The following NR1I3 variants were observed in gnomAD, a reference collection of about 807,000 sequenced individuals.
NR1I3 encodes nuclear receptor subfamily 1 group I member 3, also known as constitutive activator of retinoid response.
In NR1I3, 30 loss-of-function variants were observed where a neutral mutation model predicts 38.4. That is an observed-to-expected ratio of 0.78 (90% confidence interval 0.58 to 1.06). The LOEUF is 1.06. Among genes scored for constraint, NR1I3 ranks in the 50% least tolerant of loss-of-function variants. The pLI is 0.00. For missense variants in NR1I3, 388 were observed against 435.7 expected, an observed-to-expected ratio of 0.89 and a Z score of 0.97; for synonymous variants, 143 against 165.1, an observed-to-expected ratio of 0.87 and a Z score of 1.03.
rs769779489 is a variant in NR1I3 at position 161,229,777 on chromosome 1, G to A, written c.*20C>T. On this transcript the variant is annotated 3_prime_UTR_variant, in exon 9 of 9. Transcript: ENST00000367983. The stretch of plus-strand genomic sequence containing the variant: ...ATCCAGGGTGTTCCAGGTGAGCTGG[G>A]GAAGGAAGTGAGCATGGCCTCAGCT... The A allele has an allele frequency of 1.2e-6, 2 of 1,614,216 alleles. No individual in the cohort carries two copies. The highest frequency in any genetic ancestry group is 1.1e-5 in the South Asian group (1 of 91,090).
chr1:161,232,897 G>C lies in NR1I3; in HGVS notation c.458C>G (p.Pro153Arg). 6.2e-7 allele frequency: 1 copy of C among 1,614,252 alleles called. No homozygotes were observed. ...IHHQPLPTLAPVLPLVTHFAD... is the reference protein window; with the variant it reads ...IHHQPLPTLARVLPLVTHFAD... ...GAAGTGTGTGACCAGAGGCAGCACA[G>C]GGGCCAGGGTGGGCAAGGGCTGGTG... Residue 153 changes from proline (P) to arginine (R), a missense_variant, in exon 5 of 9, where the codon CCT becomes CGT. Physicochemically the swap from Pro to Arg is moderately radical, Grantham distance 103 (BLOSUM62 -2). Coordinates refer to ENST00000367983, the MANE Select transcript of NR1I3 (RefSeq NM_005122.5).
chr1:161,231,562 G>A (rs11265568), intron 5 of NR1I3, 88 bp from the exon 6 acceptor site: 467,515 of 1,352,268 alleles, frequency 0.35, 83,049 homozygotes, highest in East Asian at 0.52. Flanking sequence ...GTGCAGTGGC[G>A]TGATCTCTGC....
chr1:161,236,520 C>T lies in NR1I3; in HGVS notation c.46G>A (p.Asp16Asn). ...TTAAAGTGGTAGCCTGTGGCTTGGT[C>T]CCCACATACCACACAGTTCCTCAGC... ...DELRNCVVCGDQATGYHFNAL... is the reference protein window; with the variant it reads ...DELRNCVVCGNQATGYHFNAL... The change falls in exon 2 of 9, where the codon GAC (aspartate) becomes AAC (asparagine). Residue 16 changes from aspartate to asparagine, a missense_variant. Asp to Asn is a conservative substitution (Grantham distance 23). Coordinates refer to ENST00000367983, the MANE Select transcript of NR1I3 (RefSeq NM_005122.5). 1.2e-6 allele frequency: 2 copies of T among 1,614,136 alleles called. No homozygotes were observed. Among genetic ancestry groups the T allele is most frequent in the Non-Finnish European group, 8.5e-7 (1 of 1,180,040 alleles).
intron 2 of NR1I3, 90 bp downstream of exon 2, chr1:161,236,369 G>A: frequency 1.3e-6 from 2 of 1,491,792 alleles, no homozygotes; most frequent in South Asian, 1.2e-5. Context: ...TAATGTAGCT[G>A]GACAGGCTTG....
intron 7 of NR1I3, 58 bp from the exon 8 acceptor site, chr1:161,230,976 G>A: frequency 6.2e-7 from 1 of 1,612,856 alleles, no homozygotes; most frequent in African/African-American, 1.3e-5. Context: ...CCTGCGTGGT[G>A]CCCCGGGGAC....
intron 5 of NR1I3, 62 bp downstream of exon 5, chr1:161,232,745 C>T (rs1442263213): frequency 1.4e-5 from 22 of 1,530,088 alleles, no homozygotes; most frequent in South Asian, 1.1e-4. Context: ...AGTGACTTTT[C>T]GGGGTGGATA....
Position 161,232,903 on chromosome 1 carries a change from A to G in NR1I3, c.452T>C (p.Leu151Pro), listed in dbSNP as rs773380358. 1 of 1,614,212 alleles carries G rather than the reference A, an allele frequency of 6.2e-7. No individual in the cohort carries two copies. Among genetic ancestry groups the G allele is most frequent in the South Asian group, 1.1e-5 (1 of 91,088 alleles). Residue 151 changes from leucine (L) to proline (P), a missense_variant, in exon 5 of 9, where the codon CTG becomes CCG. Leu to Pro is a moderately conservative substitution (Grantham distance 98). Transcript: ENST00000367983. The part of the protein sequence containing the change: ...LFIHHQPLPT[L>P]APVLPLVTHF... ...TGTGACCAGAGGCAGCACAGGGGCC[A>G]GGGTGGGCAAGGGCTGGTGATGGAT...
chr1:161,236,324 C>T (rs1054412736), intron 2 of NR1I3, 135 bp downstream of exon 2: 10 of 1,079,946 alleles, frequency 9.3e-6, no homozygotes, highest in Middle Eastern at 2.5e-4. Flanking sequence ...TGTAGGATGC[C>T]AGCCACAGGG....
At chr1:161,230,346 G>A in intron 8 of NR1I3, 1 of 304,696 alleles carries the variant, frequency 3.3e-6, no homozygotes, top group Non-Finnish European at 6.1e-6. Flanking sequence ...CTCAGAGCCT[G>A]GATAAATCAC....
chr1:161,232,926 G>T lies in NR1I3; in HGVS notation c.429C>A (p.Ile143=). The T allele has an allele frequency of 3.7e-6, 6 of 1,614,222 alleles. No individual in the cohort carries two copies. The highest frequency in any genetic ancestry group is 5.1e-6 in the Non-Finnish European group (6 of 1,180,050). ...VQFRPPAHLF[I]HHQPLPTLAP... Reference sequence around the variant, plus strand: ...CCAGGGTGGGCAAGGGCTGGTGATGGATGAACAGATGAGCTGGAGGCTGCA... The same window carrying T: ...CCAGGGTGGGCAAGGGCTGGTGATGTATGAACAGATGAGCTGGAGGCTGCA... The change falls in exon 5 of 9, where the codon ATC becomes ATA. Residue 143 remains isoleucine (I), a synonymous_variant. Coordinates refer to ENST00000367983, the MANE Select transcript of NR1I3 (RefSeq NM_005122.5).
intron 3 of NR1I3, among the ~76,000 whole-genome samples, chr1:161,235,002 G>A (rs1016352867): frequency 6.6e-6 from 1 of 152,028 alleles, no homozygotes; most frequent in South Asian, 2.1e-4. Context: ...TTAGCTGGGT[G>A]TGGTGGCACA....
At chr1:161,235,256 GTTTTTTTTTTTT>G (rs1224128222) in intron 3 of NR1I3, 4 of 80,148 alleles carry the variant, frequency 5.0e-5, no homozygotes, top group Non-Finnish European at 6.6e-5. Flanking sequence ...TGCGCTTGGT[GTTTTTTTTTTTT>G]TTTTTTTTTT....
At chr1:161,236,161 C>T in intron 2 of NR1I3, 184 bp from the exon 3 acceptor site, 2 of 718,446 alleles carry the variant, frequency 2.8e-6, no homozygotes, top group East Asian at 2.7e-5. Context: ...CAGGATCACT[C>T]CAGAAAGCCT....
At chr1:161,232,139 A>G (rs1487489568) in intron 5 of NR1I3, among the ~76,000 whole-genome samples, 1 of 150,194 alleles carries the variant, frequency 6.7e-6, no homozygotes, top group African/African-American at 2.5e-5. Flanking sequence ...GGCGCCCACC[A>G]CCACACCCAG....
Position 161,229,871 on chromosome 1 carries a change from C to T in NR1I3, c.973G>A (p.Ala325Thr), listed in dbSNP as rs749076282. ...ATGTGCTGGATTTGGTACCCGTAGGCCTCATTAATGCTCCGGAGCTCAGCC... is the reference window on the plus strand; with the variant it reads ...ATGTGCTGGATTTGGTACCCGTAGGTCTCATTAATGCTCCGGAGCTCAGCC... The part of the protein sequence containing the change: ...LLAELRSINE[A>T]YGYQIQHIQG... Residue 325 changes from alanine (A) to threonine (T), a missense_variant, in exon 9 of 9, where the codon GCC becomes ACC. Ala to Thr is a moderately conservative substitution (Grantham distance 58). Transcript: ENST00000367983. 1.2e-6 allele frequency: 2 copies of T among 1,614,194 alleles called. No homozygotes were observed. Among genetic ancestry groups the T allele is most frequent in the South Asian group, 1.1e-5 (1 of 91,082 alleles).
intron 5 of NR1I3, among the ~76,000 whole-genome samples, chr1:161,232,573 C>G (rs942505873): frequency 6.6e-6 from 1 of 152,168 alleles, no homozygotes; most frequent in Admixed American, 6.6e-5. Flanking sequence ...GCTGGGATTA[C>G]TAGTGTGAGC....
Position 161,230,906 on chromosome 1 carries a change from A to G in NR1I3, c.824T>C (p.Val275Ala). The part of the protein sequence containing the change: ...MALFSPDRPG[V>A]TQRDEIDQLQ... ...CTGATCAATCTCATCTCTCTGGGTA[A>G]CTCCAGGTCGGTCTGTAAGATAGGG... is the stretch of plus-strand genomic sequence containing the variant. Residue 275 changes from valine to alanine, a missense_variant, in exon 8 of 9, where the codon GTT becomes GCT. By Grantham distance (64) the Val-to-Ala change is moderately conservative. Transcript: ENST00000367983. 3 of 1,614,014 alleles carry G rather than the reference A, an allele frequency of 1.9e-6. No individual in the cohort carries two copies. Among genetic ancestry groups the G allele is most frequent in the South Asian group, 1.1e-5 (1 of 91,068 alleles).
At chr1:161,233,378 A>G in intron 3 of NR1I3, 40 bp from the exon 4 acceptor site, 2 of 1,596,964 alleles carry the variant, frequency 1.3e-6, no homozygotes, top group Non-Finnish European at 1.7e-6. Flanking sequence ...TGTTGAGACC[A>G]GCAGAGCATT....
In NR1I3 at chr1:161,235,843, T is replaced by A; in HGVS notation, c.238+4A>T. 6.2e-7 allele frequency: 1 copy of A among 1,614,114 alleles called. No individual in the cohort carries two copies. Among genetic ancestry groups the A allele is most frequent in the Non-Finnish European group, 8.5e-7 (1 of 1,179,988 alleles). ...GATTCTTGAGATGTAGGGGGCCAAC[T>A]CACTGTCTTTCCTCATGCCAGCATC... On this transcript the variant is annotated splice_donor_region_variant and intron_variant, in intron 3 of 8. Transcript: ENST00000367983.
Sources: allele counts gnomAD v4.1 joint callset (sites outside exome capture counted in the v4.1 genomes callset), GRCh38; gene constraint gnomAD v4.1.1; transcripts MANE v1.5; gene names NCBI Gene and HGNC (gene_info 2026-07-23, HGNC 2026-07-21).